Variants in DPP10 observed in about 807,000 individuals in gnomAD.
DPP10 encodes dipeptidyl peptidase like 10.
Under a neutral mutation model 120.9 loss-of-function variants are expected in DPP10, and 33 were observed. The observed-to-expected ratio is 0.27, with a 90% CI of 0.21 to 0.37. The LOEUF is 0.37. Ranked by LOEUF, DPP10 falls within the 10% of genes least tolerant of loss-of-function variation. DPP10 has a pLI of 1.00. For synonymous variants in DPP10, 337 were observed against 326.1 expected, an observed-to-expected ratio of 1.03 and a Z score of -0.36; for missense variants, 816 against 942.8, an observed-to-expected ratio of 0.87 and a Z score of 1.76.
intron 1 of DPP10, among the ~76,000 whole-genome samples, chr2:115,052,092 T>A (rs949789254): frequency 6.6e-6 from 1 of 152,160 alleles, no homozygotes; most frequent in Non-Finnish European, 1.5e-5. Context: ...AATAGTCTTT[T>A]CAACAAACAG....
At chr2:115,497,011 G>A (rs1032582751) in intron 3 of DPP10, among the ~76,000 whole-genome samples, 2 of 152,010 alleles carry the variant, frequency 1.3e-5, no homozygotes, top group Admixed American at 6.6e-5. Flanking sequence ...TGAGTCATGA[G>A]TCCAGGTGAG....
chr2:114,522,754 C>T (rs1361159605), intron 1 of DPP10, among the ~76,000 whole-genome samples: 1 of 152,100 alleles, frequency 6.6e-6, no homozygotes, highest in Non-Finnish European at 1.5e-5. Context: ...TACAGTTCCA[C>T]GTGGCTGGGG....
intron 3 of DPP10, among the ~76,000 whole-genome samples, chr2:115,434,340 A>C (rs2071279708): frequency 6.6e-6 from 1 of 151,930 alleles, no homozygotes; most frequent in African/African-American, 2.4e-5. Context: ...TTTTTTTATT[A>C]AACGTAGTTG....
intron 1 of DPP10, among the ~76,000 whole-genome samples, chr2:114,843,797 T>C (rs1197521955): frequency 6.6e-6 from 1 of 152,102 alleles, no homozygotes; most frequent in African/African-American, 2.4e-5. Context: ...CCGAGGGAGA[T>C]TGTCTGAAAT....
intron 3 of DPP10, among the ~76,000 whole-genome samples, chr2:115,369,345 A>G (rs2065259156): frequency 6.6e-6 from 1 of 152,134 alleles, no homozygotes. Context: ...AGATTATTAT[A>G]ATAAAAAAGG....
chr2:115,766,804 G>A (rs1680817534), intron 12 of DPP10, among the ~76,000 whole-genome samples: 1 of 152,094 alleles, frequency 6.6e-6, no homozygotes, highest in African/African-American at 2.4e-5. Context: ...GAAAGGGATG[G>A]GGGAGGTGTT....
At chr2:115,176,367 A>G (rs2053693541) in intron 1 of DPP10, among the ~76,000 whole-genome samples, 1 of 149,170 alleles carries the variant, frequency 6.7e-6, no homozygotes, top group African/African-American at 2.4e-5. Context: ...TATGTAATGT[A>G]ATCAATTGCT....
At chr2:114,653,765 A>G (rs1256700690) in intron 1 of DPP10, among the ~76,000 whole-genome samples, 1 of 152,164 alleles carries the variant, frequency 6.6e-6, no homozygotes, top group African/African-American at 2.4e-5. Context: ...AGAGCTATCT[A>G]TTTGTGTATA....
rs181583095 is a variant in DPP10 at position 115,273,884 on chromosome 2, T to G, written c.61-35355T>G. Reference sequence around the variant, plus strand: ...GAACGCTAATAATAATGCCATGTGCTTTTACTAGTATTTCATAGCCAAATA... The same window carrying G: ...GAACGCTAATAATAATGCCATGTGCGTTTACTAGTATTTCATAGCCAAATA... On this transcript the variant is annotated intron_variant, in intron 1 of 25. Coordinates refer to ENST00000410059, the MANE Select transcript of DPP10 (RefSeq NM_020868.6). Among the ~76,000 whole-genome samples, 11 of 152,346 alleles carry G rather than the reference T, an allele frequency of 7.2e-5. No individual in the cohort carries two copies. In the East Asian group the frequency reaches 2.1e-3, roughly 29 times the overall value.
chr2:114,899,319 C>T (rs148766669), intron 1 of DPP10, among the ~76,000 whole-genome samples: 7 of 151,600 alleles, frequency 4.6e-5, no homozygotes, highest in African/African-American at 1.5e-4. Context: ...AAATAGACAA[C>T]CACGAAAAAA....
intron 3 of DPP10, among the ~76,000 whole-genome samples, chr2:115,388,259 G>C (rs555413026): frequency 1.3e-5 from 2 of 152,338 alleles, no homozygotes; most frequent in African/African-American, 4.8e-5. Context: ...TAAAGTCAAA[G>C]AGGTAGATAG....
chr2:115,759,128 A>T (rs1474915462), intron 11 of DPP10, among the ~76,000 whole-genome samples: 1 of 152,192 alleles, frequency 6.6e-6, no homozygotes, highest in Non-Finnish European at 1.5e-5. Flanking sequence ...TCTGGAAGAA[A>T]ATATTTTGCC....
At chr2:114,602,039 T>C (rs1222957878) in intron 1 of DPP10, among the ~76,000 whole-genome samples, 3 of 151,960 alleles carry the variant, frequency 2.0e-5, no homozygotes, top group African/African-American at 7.2e-5. Flanking sequence ...TTTTTAAGGA[T>C]AGTTTCTTGT....
At chr2:115,202,829 T>G (rs570865356) in intron 1 of DPP10, among the ~76,000 whole-genome samples, 1 of 152,280 alleles carries the variant, frequency 6.6e-6, no homozygotes, top group African/African-American at 2.4e-5. Flanking sequence ...GCCACACAAG[T>G]CTTCCATATC....
chr2:114,901,415 C>G (rs1355749894), intron 1 of DPP10, among the ~76,000 whole-genome samples: 2 of 152,118 alleles, frequency 1.3e-5, no homozygotes, highest in Non-Finnish European at 2.9e-5. Context: ...CCAGGATGGT[C>G]TCGATCTCCT....
intron 3 of DPP10, among the ~76,000 whole-genome samples, chr2:115,372,001 T>G (rs992580914): frequency 6.6e-6 from 1 of 152,268 alleles, no homozygotes; most frequent in South Asian, 2.1e-4. Flanking sequence ...ACAGGGACTT[T>G]ATATGCTAAT....
chr2:115,809,820 C>T (rs1280127924), intron 19 of DPP10, among the ~76,000 whole-genome samples: 1 of 152,166 alleles, frequency 6.6e-6, no homozygotes, highest in Non-Finnish European at 1.5e-5. Context: ...AATATTCTTC[C>T]TTCCATTTAT....
chr2:115,282,374 A>G (rs1168295958), intron 1 of DPP10, among the ~76,000 whole-genome samples: 1 of 152,042 alleles, frequency 6.6e-6, no homozygotes, highest in Non-Finnish European at 1.5e-5. Flanking sequence ...AAATTCACCA[A>G]TTTTACATAT....
At chr2:115,565,135 G>A (rs1008775861) in intron 5 of DPP10, among the ~76,000 whole-genome samples, 8 of 152,212 alleles carry the variant, frequency 5.3e-5, no homozygotes, top group East Asian at 1.9e-4. Flanking sequence ...AGCTTTGTGC[G>A]TAAGTATGTG....
Sources: allele counts gnomAD v4.1 joint callset (sites outside exome capture counted in the v4.1 genomes callset), GRCh38; gene constraint gnomAD v4.1.1; transcripts MANE v1.5; gene names NCBI Gene and HGNC (gene_info 2026-07-23, HGNC 2026-07-21).